The following NAP1L4 variants were observed in gnomAD, a reference collection of about 807,000 sequenced individuals.
The protein encoded by NAP1L4 is nucleosome assembly protein 1 like 4, also known as nucleosome assembly protein 1-like 4.
In NAP1L4, 15 loss-of-function variants were observed where a neutral mutation model predicts 58.2. The ratio of observed to expected loss-of-function variants is 0.26; its 90% CI spans 0.17 to 0.40. NAP1L4 has a LOEUF of 0.40. NAP1L4 is among the 10% of genes least tolerant of loss of function. The probability of loss-of-function intolerance (pLI) is 1.00; values close to 1 mark genes in which losing one functional copy is unlikely to be tolerated. For synonymous variants in NAP1L4, 171 were observed against 155.6 expected (o/e 1.10, Z -0.74); for missense variants, 384 against 451.1 (o/e 0.85, Z 1.35).
At position 2,959,853 on chromosome 11, in the gene NAP1L4, C is replaced by T; in HGVS notation, c.663G>A (p.Leu221=). 5 of 1,614,164 alleles carry T rather than the reference C, an allele frequency of 3.1e-6. No homozygotes were observed. The highest frequency in any genetic ancestry group is 4.2e-6 in the Non-Finnish European group (5 of 1,180,032). The change falls in exon 9 of 16, where the codon CTG becomes CTA. Residue 221 remains leucine (L), a synonymous_variant. Transcript: ENST00000380542. This position sits in a 1 kb window ranked among gnomAD's most constrained non-coding sequence, Gnocchi z 4.9. ...EPNDYFTNSV[L]TKTYKMKSEP... The stretch of plus-strand genomic sequence containing the variant: ...CTGATTTCATCTTGTAGGTTTTTGT[C>T]AGGACTGAGTTGGTAAAGTAGTCGT...
Position 2,954,752 on chromosome 11 carries a change from A to G in NAP1L4, c.916-106T>C. ...CCCTCACTTTTGATTTACTTAACTT[A>G]AAACACCAAACTCCTGCACTGCTGG... On this transcript the variant is annotated intron_variant, in intron 11 of 15. Transcript: ENST00000380542. The surrounding 1 kb of genome is among the most constrained non-coding windows in gnomAD (Gnocchi z 4.8). The G allele has an allele frequency of 6.9e-7, 1 of 1,453,000 alleles. No homozygotes were observed. The highest frequency in any genetic ancestry group is 9.6e-7 in the Non-Finnish European group (1 of 1,042,980). The allele number at this position is 1,453,000 out of a possible 1,614,324, so 90.0% of individuals were successfully genotyped here.
chr11:2,983,973 G>C (rs2519178), intron 1 of NAP1L4, among the ~76,000 whole-genome samples: 144 of 147,062 alleles, frequency 9.8e-4, no homozygotes, highest in African/African-American at 2.3e-3. Context: ...GAGACAGAGT[G>C]AGACTGTCTC....
chr11:2,947,697 C>T (rs937698999), intron 15 of NAP1L4, among the ~76,000 whole-genome samples: 3 of 151,762 alleles, frequency 2.0e-5, no homozygotes, highest in African/African-American at 4.8e-5. Context: ...ATGGTTGAGT[C>T]ATTAATCAAT....
At chr11:2,979,156 G>C in intron 2 of NAP1L4, 51 bp downstream of exon 2, 1 of 1,569,332 alleles carries the variant, frequency 6.4e-7, no homozygotes, top group Non-Finnish European at 8.7e-7. Context: ...CTTGGCTGTT[G>C]CTCACCAACT....
rs973373450 is a variant in NAP1L4, at chr11:2,948,561, G to A, written c.*32+666C>T. Among the ~76,000 whole-genome samples the A allele has an allele frequency of 2.6e-5, 4 of 152,196 alleles. No homozygotes were observed. In the East Asian group the frequency reaches 7.7e-4, roughly 29 times the overall value. On this transcript the variant is annotated intron_variant, in intron 15 of 15. Coordinates refer to ENST00000380542, the MANE Select transcript of NAP1L4 (RefSeq NM_005969.4). The surrounding 1 kb of genome is among the most constrained non-coding windows in gnomAD (Gnocchi z 5.1). Reference sequence around the variant, plus strand: ...ACAGGGCAGAGCTACAGGGACTGAAGAAAGTGGAGTGGGAAACAGCTTCCA... The same window carrying A: ...ACAGGGCAGAGCTACAGGGACTGAAAAAAGTGGAGTGGGAAACAGCTTCCA...
At chr11:2,991,614 A>T (rs1293677305) in intron 1 of NAP1L4, among the ~76,000 whole-genome samples, 1 of 152,160 alleles carries the variant, frequency 6.6e-6, no homozygotes, top group Non-Finnish European at 1.5e-5. Flanking sequence ...CACAGCTCCC[A>T]ACAGCTAAGA....
intron 1 of NAP1L4, chr11:2,981,636 C>G (rs539977392): frequency 2.3e-4 from 35 of 152,182 alleles, no homozygotes; most frequent in African/African-American, 7.7e-4. Context: ...CGAGACCAGC[C>G]TGACCAACAT....
intron 7 of NAP1L4, among the ~76,000 whole-genome samples, chr11:2,968,118 C>T: frequency 6.6e-6 from 1 of 152,174 alleles, no homozygotes; most frequent in East Asian, 1.9e-4. Context: ...CCAGAATCCG[C>T]ACTGCCATGG....
intron 12 of NAP1L4, among the ~76,000 whole-genome samples, chr11:2,953,269 A>G (rs2133909775): frequency 1.3e-5 from 2 of 152,390 alleles, no homozygotes; most frequent in Middle Eastern, 6.8e-3. Flanking sequence ...CATATAAGTA[A>G]GCAAATAGCA....
In NAP1L4 at chr11:2,944,667, T is replaced by C. The variant is rs781046319; in HGVS notation, c.*1012A>G. 1 of 152,102 alleles carries C rather than the reference T, an allele frequency of 6.6e-6. No individual in the cohort carries two copies. The highest frequency in any genetic ancestry group is 1.5e-5 in the Non-Finnish European group (1 of 68,026). 9.4% of individuals were successfully genotyped at this position (152,102 alleles called of 1,614,324 possible). ...CAGGACCTTCAGACAGGATGAATGG[T>C]GGGGCCCCGCAATGGGGCTACTGAG... On this transcript the variant is annotated 3_prime_UTR_variant, in exon 16 of 16. Transcript: ENST00000380542.
rs369030699 is a variant in NAP1L4 at position 2,972,169 on chromosome 11, T to C, written c.248A>G (p.Lys83Arg). ...CAAGTCATGTACCTCTTCATAGAAC[T>C]TGGCTTCTATGTGAGCACATCTCAC... ...LQVRCAHIEA[K>R]FYEEVHDLER... The change falls in exon 5 of 16, where the codon AAG (lysine) becomes AGG (arginine). Residue 83 changes from lysine (K) to arginine (R), a missense_variant. Around this residue, in one of 3 missense-constraint regions of NAP1L4, gnomAD observed 296 missense variants for 360.8 expected, o/e 0.82. Transcript: ENST00000380542. 168 of 1,609,044 alleles carry C rather than the reference T, an allele frequency of 1.0e-4. 1 individual carries two copies. The highest frequency in any genetic ancestry group is 4.8e-4 in the Admixed American group (28 of 58,834).
chr11:2,966,103 T>C (rs1333412171), intron 7 of NAP1L4, among the ~76,000 whole-genome samples: 2 of 152,228 alleles, frequency 1.3e-5, no homozygotes, highest in African/African-American at 4.8e-5. Flanking sequence ...GTCACTTCTT[T>C]ACCCCCAAAG....
intron 5 of NAP1L4, 24 bp downstream of exon 5, chr11:2,972,078 T>C (rs762091690): frequency 1.3e-6 from 2 of 1,520,708 alleles, no homozygotes; most frequent in East Asian, 2.4e-5. Flanking sequence ...ACTATCTGTA[T>C]ATTAAATTAA....
chr11:2,978,859 A>T (rs1364257227), intron 2 of NAP1L4, among the ~76,000 whole-genome samples: 1 of 152,240 alleles, frequency 6.6e-6, no homozygotes, highest in East Asian at 1.9e-4. Flanking sequence ...AATAATATAC[A>T]CAACTAAAAG....
At chr11:2,965,853 C>G (rs1220158730) in intron 7 of NAP1L4, among the ~76,000 whole-genome samples, 1 of 152,212 alleles carries the variant, frequency 6.6e-6, no homozygotes, top group Admixed American at 6.5e-5. Context: ...TCTTTAAGAA[C>G]ACTTACACAG....
At chr11:2,976,402 C>A (rs1243426623) in intron 3 of NAP1L4, among the ~76,000 whole-genome samples, 1 of 152,186 alleles carries the variant, frequency 6.6e-6, no homozygotes, top group African/African-American at 2.4e-5. Flanking sequence ...GCTGTTTAAG[C>A]ACCAGACTTA....
intron 1 of NAP1L4, among the ~76,000 whole-genome samples, chr11:2,988,368 G>A (rs1166822217): frequency 2.0e-5 from 3 of 152,118 alleles, no homozygotes; most frequent in African/African-American, 7.2e-5. Context: ...AACCACCAAA[G>A]TCCCTACTCC....
Position 2,946,634 on chromosome 11 carries a change from C to T in NAP1L4, c.*33-988G>A, listed in dbSNP as rs890976859. ...TCTTCCACAGTATAAGCTGAGGCTA[C>T]AGTTCATTCTTTTGGAAATCACATT... On this transcript the variant is annotated intron_variant, in intron 15 of 15. Transcript: ENST00000380542. The surrounding 1 kb of genome is among the most constrained non-coding windows in gnomAD (Gnocchi z 4.8). 1.3e-5 allele frequency among the ~76,000 whole-genome samples: 2 copies of T among 152,204 alleles called. No individual in the cohort carries two copies. The highest frequency in any genetic ancestry group is 1.3e-4 in the Admixed American group (2 of 15,280).
rs1171514042 is a variant in NAP1L4, at chr11:2,951,729, A to AAAG, written c.1065+48_1065+50dup. The AAAG allele has an allele frequency of 6.3e-7, 1 of 1,599,222 alleles. No individual in the cohort carries two copies. Among genetic ancestry groups the AAAG allele is most frequent in the East Asian group, 2.2e-5 (1 of 44,820 alleles). On this transcript the variant is annotated intron_variant, in intron 13 of 15. Transcript: ENST00000380542. This position sits in a 1 kb window ranked among gnomAD's most constrained non-coding sequence, Gnocchi z 4.0. The stretch of plus-strand genomic sequence containing the variant: ...CCATAACCTTCAAGCAGAGAAAGCC[A>AAAG]AAGAAACAACTTCAGGGAGGTAAGT...
Sources: gnomAD v4.1 joint callset for allele counts (sites outside exome capture counted in the v4.1 genomes callset) on GRCh38, gnomAD v4.1.1 for gene constraint, gnomAD v4.1.1 regional missense constraint, Gnocchi (gnomAD v3.1) non-coding constraint, MANE v1.5 for transcripts, NCBI Gene and HGNC (gene_info 2026-07-23, HGNC 2026-07-21) for gene names.